The following TF variants were observed in gnomAD, a reference collection of about 807,000 sequenced individuals.
The protein encoded by TF is serotransferrin.
TF carries 55 observed loss-of-function variants against 82.4 expected under a neutral mutation model. The observed-to-expected ratio is 0.67, with a 90% confidence interval of 0.54 to 0.84. TF has a LOEUF of 0.84. TF is among the 40% of genes least tolerant of loss of function. The probability of loss-of-function intolerance (pLI) is 0.00; values close to 1 mark genes in which losing one functional copy is unlikely to be tolerated. For synonymous variants in TF, 332 were observed against 332.6 expected, an observed-to-expected ratio of 1.00 and a Z score of 0.02; for missense variants, 737 against 868.4, an observed-to-expected ratio of 0.85 and a Z score of 1.90.
At chr3:133,725,687 C>T in the TF span, among the ~76,000 whole-genome samples, 1 of 151,880 alleles carries the variant, frequency 6.6e-6, no homozygotes. Flanking sequence ...GAACTTCCAA[C>T]ACTATGTTGA....
upstream of TF, chr3:133,746,320 G>A: frequency 3.4e-6 from 4 of 1,173,404 alleles, no homozygotes; most frequent in South Asian, 1.3e-5. Flanking sequence ...GCACAAACAC[G>A]GGAGGTCAAA....
At position 133,783,020 on chromosome 3, in the gene TF, AC is replaced by A. The variant is rs1934553744; in HGVS notation, c.*4401del. 1 of 152,170 alleles carries A rather than the reference AC, an allele frequency of 6.6e-6. No individual in the cohort carries two copies. Among genetic ancestry groups the A allele is most frequent in the African/African-American group, 2.4e-5 (1 of 41,442 alleles). The allele number at this position is 152,170 out of a possible 1,614,324, so 9.4% of individuals were successfully genotyped here. ...CTGGGGACAGGAGACCCCGTCTCAAACAAAACAAAACCAAGTAGCAGATATG... is the reference window on the plus strand; with the variant it reads ...CTGGGGACAGGAGACCCCGTCTCAAAAAAACAAAACCAAGTAGCAGATATG... On this transcript the variant is annotated 3_prime_UTR_variant, in exon 17 of 17. Transcript: ENST00000402696.
chr3:133,708,045 G>T, the TF span, among the ~76,000 whole-genome samples: 3 of 152,080 alleles, frequency 2.0e-5, no homozygotes, highest in African/African-American at 7.2e-5. Flanking sequence ...ACTCATTAAA[G>T]CTTTCTTTTG....
At chr3:133,689,366 A>G in the TF span, among the ~76,000 whole-genome samples, 144 of 152,190 alleles carry the variant, frequency 9.5e-4, 2 homozygotes, top group African/African-American at 3.2e-3. Context: ...TAAATAAAAT[A>G]TAGAAGTCTG....
chr3:133,691,013 T>C, the TF span, among the ~76,000 whole-genome samples: 4 of 152,066 alleles, frequency 2.6e-5, no homozygotes. Flanking sequence ...CAAATATACA[T>C]ACATATATAT....
At chr3:133,722,328 T>C in the TF span, among the ~76,000 whole-genome samples, 2 of 152,058 alleles carry the variant, frequency 1.3e-5, no homozygotes, top group Admixed American at 6.6e-5. Context: ...GGTGAGTCTC[T>C]TGTAGAGAGC....
At chr3:133,717,772 G>A in the TF span, among the ~76,000 whole-genome samples, 1 of 152,062 alleles carries the variant, frequency 6.6e-6, no homozygotes, top group Admixed American at 6.6e-5. Flanking sequence ...GACCAAACAA[G>A]GACTGAATAC....
the TF span, among the ~76,000 whole-genome samples, chr3:133,694,961 C>G: frequency 5.3e-5 from 8 of 151,554 alleles, no homozygotes; most frequent in African/African-American, 1.9e-4. Context: ...CCTTCTTTCC[C>G]ATCCTGCCTC....
chr3:133,717,722 T>C, the TF span, among the ~76,000 whole-genome samples: 1 of 151,700 alleles, frequency 6.6e-6, no homozygotes, highest in Non-Finnish European at 1.5e-5. Context: ...GCGGCTGGGG[T>C]GGGGGGAGTT....
the TF span, among the ~76,000 whole-genome samples, chr3:133,676,117 T>C: frequency 3.9e-5 from 6 of 152,308 alleles, no homozygotes; most frequent in East Asian, 9.6e-4. Context: ...CCAGTACTTT[T>C]ACCATACAAC....
chr3:133,673,604 T>C, the TF span, among the ~76,000 whole-genome samples: 15 of 152,190 alleles, frequency 9.9e-5, no homozygotes, highest in Non-Finnish European at 1.8e-4. Context: ...AAACACAGAA[T>C]TGTACGTATG....
At chr3:133,746,555 C>CAGG in intron 1 of TF, 72 bp downstream of exon 1, 1 of 1,513,592 alleles carries the variant, frequency 6.6e-7, no homozygotes, top group Non-Finnish European at 8.9e-7. Flanking sequence ...GCGGCCACCG[C>CAGG]GCAGCCTGCA....
chr3:133,688,668 A>G, the TF span, among the ~76,000 whole-genome samples: 2 of 152,258 alleles, frequency 1.3e-5, no homozygotes, highest in Non-Finnish European at 2.9e-5. Flanking sequence ...GAGAATCTAT[A>G]AAGACTCAGA....
chr3:133,792,005 A>T lies in TF; in HGVS notation c.*13385A>T, dbSNP rs1209916955. ...CAGTTTTAAAGATTATTGGTAAAAT[A>T]AAAATATCTTCAAAATGTAAATATT... On this transcript the variant is annotated 3_prime_UTR_variant, in exon 17 of 17. Transcript: ENST00000402696. 1 of 152,250 alleles carries T rather than the reference A, an allele frequency of 6.6e-6. No homozygotes were observed. Among genetic ancestry groups the T allele is most frequent in the African/African-American group, 2.4e-5 (1 of 41,476 alleles). 9.4% of individuals were successfully genotyped at this position (152,250 alleles called of 1,614,324 possible). A position where few individuals can be genotyped will look rare whatever the true frequency, so the allele number is the denominator to read the frequency against.
chr3:133,674,269 A>C, the TF span, among the ~76,000 whole-genome samples: 1 of 151,426 alleles, frequency 6.6e-6, no homozygotes, highest in African/African-American at 2.5e-5. Context: ...CTCACCTGGG[A>C]ACCCCCGCGG....
chr3:133,770,926 ATACTCGTCACGTC>A, intron 14 of TF: 1 of 343,490 alleles, frequency 2.9e-6, no homozygotes, highest in South Asian at 3.4e-5. Context: ...TGTGGATTTA[ATACTCGTCACGTC>A]CACAGTCCAC....
the TF span, among the ~76,000 whole-genome samples, chr3:133,726,335 G>T: frequency 5.9e-5 from 9 of 152,210 alleles, no homozygotes; most frequent in East Asian, 3.9e-4. Context: ...CAATTTCAGA[G>T]CCTGTTATTG....
At chr3:133,732,916 A>G in the TF span, among the ~76,000 whole-genome samples, 1 of 152,186 alleles carries the variant, frequency 6.6e-6, no homozygotes, top group Non-Finnish European at 1.5e-5. Flanking sequence ...GTCTTGGTGT[A>G]TAGAAGTGAA....
chr3:133,770,026 CAAAA>C (rs1316272383), intron 13 of TF, among the ~76,000 whole-genome samples: 1 of 151,984 alleles, frequency 6.6e-6, no homozygotes, highest in Non-Finnish European at 1.5e-5. Context: ...AAAACAAAAA[CAAAA>C]AAACCCACAA....
Sources: allele counts gnomAD v4.1 joint callset (sites outside exome capture counted in the v4.1 genomes callset), GRCh38; gene constraint gnomAD v4.1.1; transcripts MANE v1.5; gene names NCBI Gene and HGNC (gene_info 2026-07-23, HGNC 2026-07-21).